Variants in LRRK1 observed in about 807,000 individuals in gnomAD.
LRRK1 encodes leucine-rich repeat serine/threonine-protein kinase 1.
Under a neutral mutation model 209.1 loss-of-function variants are expected in LRRK1, and 113 were observed. The observed-to-expected ratio is 0.54, with a 90% CI of 0.46 to 0.63. The LOEUF (loss-of-function observed/expected upper bound fraction) is 0.63, where lower values mean the gene tolerates loss of function less well. Ranked by LOEUF, LRRK1 falls within the 30% of genes least tolerant of loss-of-function variation. LRRK1 has a pLI of 0.00. For synonymous variants in LRRK1, 1,144 were observed against 1,099.7 expected, an observed-to-expected ratio of 1.04 and a Z score of -0.80; for missense variants, 2,284 against 2,632.2, an observed-to-expected ratio of 0.87 and a Z score of 2.89.
chr15:100,971,123 C>A (rs930293203), intron 2 of LRRK1, among the ~76,000 whole-genome samples: 1 of 152,056 alleles, frequency 6.6e-6, no homozygotes, highest in East Asian at 1.9e-4. Flanking sequence ...CACTTGAGGT[C>A]GAGAGTTTGA....
chr15:101,026,186 G>A (rs776878912), intron 17 of LRRK1, 49 bp downstream of exon 17: 33 of 1,568,010 alleles, frequency 2.1e-5, no homozygotes, highest in African/African-American at 4.1e-5. Flanking sequence ...GGTGCCAGTC[G>A]CTGATCTTTC....
chr15:100,927,096 G>T (rs555465805), intron 2 of LRRK1, among the ~76,000 whole-genome samples: 1 of 152,296 alleles, frequency 6.6e-6, no homozygotes, highest in Non-Finnish European at 1.5e-5. Context: ...CAAATTATCA[G>T]GTGCACATGT....
At chr15:101,013,659 G>A (rs377260300) in intron 10 of LRRK1, among the ~76,000 whole-genome samples, 16 of 152,144 alleles carry the variant, frequency 1.1e-4, no homozygotes, top group South Asian at 2.1e-4. Context: ...AGAATAAAAC[G>A]TGTTACAGGT....
At chr15:101,048,416 C>T in intron 21 of LRRK1, 78 bp from the exon 22 acceptor site, 1 of 1,331,152 alleles carries the variant, frequency 7.5e-7, no homozygotes, top group South Asian at 1.4e-5. Flanking sequence ...TGGGGCCCAG[C>T]CCGGCCTCTG....
intron 2 of LRRK1, among the ~76,000 whole-genome samples, chr15:100,930,276 C>A (rs928271854): frequency 4.6e-5 from 7 of 152,202 alleles, no homozygotes; most frequent in Admixed American, 1.3e-4. Context: ...TAAGCCATCC[C>A]ACGGACAGGC....
At chr15:101,057,660 G>A (rs1018881266) in intron 28 of LRRK1, among the ~76,000 whole-genome samples, 10 of 152,054 alleles carry the variant, frequency 6.6e-5, no homozygotes, top group African/African-American at 1.4e-4. Context: ...GCTATGGTGC[G>A]CCCTGATCGC....
intron 2 of LRRK1, among the ~76,000 whole-genome samples, chr15:100,945,150 A>G (rs1360225519): frequency 6.6e-6 from 1 of 152,334 alleles, no homozygotes; most frequent in East Asian, 1.9e-4. Flanking sequence ...GTTCCCATGT[A>G]TAGAAGCTCA....
At position 101,023,269 on chromosome 15, in the gene LRRK1, G is replaced by T. The variant is rs114078035; in HGVS notation, c.2067+672G>T. Among the ~76,000 whole-genome samples the T allele has an allele frequency of 4.0e-3, 602 of 152,278 alleles. 4 individuals are homozygous for T. The highest frequency in any genetic ancestry group is 0.014 in the African/African-American group (582 of 41,546). On this transcript the variant is annotated intron_variant, in intron 15 of 33. Coordinates refer to ENST00000388948, the MANE Select transcript of LRRK1 (RefSeq NM_024652.6). ...TGCTTGAACCCGGGAGGTGGAGGTT[G>T]CAGTGAGCCGAGATCATGCCACTGC...
Position 101,068,760 on chromosome 15 carries a change from G to C in LRRK1, c.5960G>C (p.Arg1987Thr). ...ACAGAGTGGTGCCTGGCCGTCTGGA[G>C]GGGCTGGGGCGCCAGGGAGTTCGAC... The part of the protein sequence containing the change: ...ENTEWCLAVW[R>T]GWGAREFDIF... Residue 1987 changes from arginine to threonine, a missense_variant, in exon 34 of 34, where the codon AGG (arginine) becomes ACG (threonine). Arg to Thr is a moderately conservative substitution (Grantham distance 71, BLOSUM62 -1). Transcript: ENST00000388948. 1 of 1,613,968 alleles carries C rather than the reference G, an allele frequency of 6.2e-7. No individual in the cohort carries two copies. Among genetic ancestry groups the C allele is most frequent in the Non-Finnish European group, 8.5e-7 (1 of 1,179,912 alleles).
At chr15:100,961,929 C>T (rs965747227) in intron 2 of LRRK1, among the ~76,000 whole-genome samples, 3 of 152,198 alleles carry the variant, frequency 2.0e-5, no homozygotes, top group African/African-American at 7.2e-5. Flanking sequence ...ATACATGAAA[C>T]ATTATTATAA....
intron 12 of LRRK1, among the ~76,000 whole-genome samples, chr15:101,016,070 A>G (rs1184737651): frequency 6.7e-6 from 1 of 150,202 alleles, no homozygotes; most frequent in Non-Finnish European, 1.5e-5. Flanking sequence ...GCTCCCTGCA[A>G]CCTCCGCCTC....
rs1259431781 is a variant in LRRK1, at chr15:101,008,951, C to G, written c.877C>G (p.Leu293Val). 1.1e-5 allele frequency: 18 copies of G among 1,614,062 alleles called. No homozygotes were observed. Among genetic ancestry groups the G allele is most frequent in the Non-Finnish European group, 1.4e-5 (16 of 1,180,024 alleles). Residue 293 changes from leucine (L) to valine (V), a missense_variant, in exon 7 of 34, where the codon CTC becomes GTC. Physicochemically the swap from Leu to Val is conservative, Grantham distance 32. Around this residue, in one of 6 missense-constraint regions of LRRK1, gnomAD observed 494 missense variants for 522.1 expected, o/e 0.95. Coordinates refer to ENST00000388948, the MANE Select transcript of LRRK1 (RefSeq NM_024652.6). The stretch of plus-strand genomic sequence containing the variant: ...CCTTTCTGCCAACTGCCTGGCGACC[C>G]TCCCCTCGGTTATCCCCTGGGGCCT... Reference protein sequence around the residue: ...LDLSANCLATLPSVIPWGLIN... With the variant: ...LDLSANCLATVPSVIPWGLIN...
intron 1 of LRRK1, among the ~76,000 whole-genome samples, chr15:100,924,175 G>T (rs74894570): frequency 2.0e-5 from 3 of 152,322 alleles, no homozygotes; most frequent in Non-Finnish European, 4.4e-5. Context: ...AGCCATCTTG[G>T]TGCCACTGAG....
At chr15:100,954,036 C>T (rs560769122) in intron 2 of LRRK1, among the ~76,000 whole-genome samples, 20 of 152,222 alleles carry the variant, frequency 1.3e-4, no homozygotes, top group Non-Finnish European at 2.5e-4. Context: ...CTGCCTCAGC[C>T]TCACCAGTAC....
chr15:100,970,703 T>C (rs2030808203), intron 2 of LRRK1, among the ~76,000 whole-genome samples: 1 of 152,232 alleles, frequency 6.6e-6, no homozygotes, highest in South Asian at 2.1e-4. Context: ...GACTGTCAAT[T>C]TCTATCCCGC....
chr15:101,053,657 C>G (rs2035618111), intron 26 of LRRK1, among the ~76,000 whole-genome samples: 1 of 152,248 alleles, frequency 6.6e-6, no homozygotes, highest in Non-Finnish European at 1.5e-5. Context: ...AGACCAGGCT[C>G]TGCCGCGGTC....
intron 19 of LRRK1, among the ~76,000 whole-genome samples, chr15:101,028,315 T>C (rs1405008265): frequency 6.6e-6 from 1 of 152,220 alleles, no homozygotes; most frequent in Non-Finnish European, 1.5e-5. Context: ...TTTGTTGGCA[T>C]TGAACTCACG....
chr15:101,051,946 C>T lies in LRRK1; in HGVS notation c.3675C>T (p.Thr1225=), dbSNP rs377378620. ...AGCTGGTCCCTGAACTGTTCATGAC[C>T]GACTTCCCGGCCAGGTATGCCCCGA... The part of the protein sequence containing the change: ...LQELVPELFM[T]DFPARLFLEN... Residue 1225 remains threonine (T), a synonymous_variant, in exon 24 of 34, where the codon ACC becomes ACT. Transcript: ENST00000388948. 24 of 1,613,174 alleles carry T rather than the reference C, an allele frequency of 1.5e-5. 1 individual carries two copies. The highest frequency in any genetic ancestry group is 4.0e-5 in the African/African-American group (3 of 74,940).
Position 101,065,840 on chromosome 15 carries a change from C to G in LRRK1, c.5403C>G (p.His1801Gln). Residue 1801 changes from histidine to glutamine, a missense_variant, in exon 32 of 34, where the codon CAC becomes CAG. This residue lies in a region of LRRK1 where 643 missense variants were observed against 695.9 expected (regional missense o/e 0.92). Coordinates refer to ENST00000388948, the MANE Select transcript of LRRK1 (RefSeq NM_024652.6). ...PLDTEPPAASHTANPKVPEGD... is the reference protein window; with the variant it reads ...PLDTEPPAASQTANPKVPEGD... ...ACACGGAACCCCCGGCAGCCAGCCA[C>G]ACGGCCAACCCAAAGGTGCCTGAGG... The G allele has an allele frequency of 6.2e-7, 1 of 1,614,146 alleles. No individual in the cohort carries two copies. The highest frequency in any genetic ancestry group is 8.5e-7 in the Non-Finnish European group (1 of 1,180,026).
Sources: allele counts gnomAD v4.1 joint callset (sites outside exome capture counted in the v4.1 genomes callset), GRCh38; gene constraint gnomAD v4.1.1; regional missense constraint gnomAD v4.1.1; transcripts MANE v1.5; gene names NCBI Gene and HGNC (gene_info 2026-07-23, HGNC 2026-07-21).